Variants in CYP2J2 observed in about 807,000 individuals in gnomAD.
CYP2J2 encodes cytochrome P450 family 2 subfamily J member 2, also known as cytochrome P450 2J2.
Under a neutral mutation model 48.8 loss-of-function variants are expected in CYP2J2, and 41 were observed. That is an observed-to-expected ratio of 0.84 (90% CI 0.66 to 1.09). CYP2J2 has a LOEUF of 1.09. Among genes scored for constraint, CYP2J2 ranks in the 50% least tolerant of loss-of-function variants. The pLI is 0.00. For missense variants in CYP2J2, 644 were observed against 617.3 expected (o/e 1.04, Z -0.46); for synonymous variants, 221 against 227.1 (o/e 0.97, Z 0.24).
intron 1 of CYP2J2, among the ~76,000 whole-genome samples, chr1:59,925,357 C>G (rs1283186393): frequency 6.6e-6 from 1 of 152,034 alleles, no homozygotes; most frequent in Non-Finnish European, 1.5e-5. Flanking sequence ...ATTATTCCAC[C>G]CAACAATAGT....
At chr1:59,968,456 C>T in the CYP2J2 span, among the ~76,000 whole-genome samples, 1 of 151,640 alleles carries the variant, frequency 6.6e-6, no homozygotes, top group Non-Finnish European at 1.5e-5. Flanking sequence ...TGTCAGGACG[C>T]TTGGAGGGCC....
At chr1:59,921,059 C>A (rs1042333940) in intron 1 of CYP2J2, among the ~76,000 whole-genome samples, 20 of 152,194 alleles carry the variant, frequency 1.3e-4, no homozygotes, top group African/African-American at 4.8e-4. Context: ...TTCAGTGATC[C>A]AATCTCCTTA....
intron 6 of CYP2J2, among the ~76,000 whole-genome samples, chr1:59,905,526 G>A (rs1280661280): frequency 1.1e-4 from 17 of 151,918 alleles, no homozygotes; most frequent in Non-Finnish European, 1.5e-5. Flanking sequence ...GGCTGGGGTG[G>A]GCCCAAGTAT....
the CYP2J2 span, among the ~76,000 whole-genome samples, chr1:59,938,003 C>T: frequency 1.3e-5 from 2 of 152,216 alleles, no homozygotes; most frequent in South Asian, 2.1e-4. Flanking sequence ...CTTTGAGTTT[C>T]CTCAAAATAA....
intron 7 of CYP2J2, 34 bp downstream of exon 7, chr1:59,904,837 C>G (rs764365660): frequency 2.3e-5 from 37 of 1,581,702 alleles, no homozygotes; most frequent in Middle Eastern, 3.6e-4. Flanking sequence ...TTTCTACCCC[C>G]CTAAAAGATG....
the CYP2J2 span, among the ~76,000 whole-genome samples, chr1:59,947,882 A>C: frequency 6.6e-6 from 1 of 151,822 alleles, no homozygotes; most frequent in African/African-American, 2.4e-5. Flanking sequence ...TACTGGAAGA[A>C]GTATCCATAA....
chr1:59,918,276 G>A (rs973987869), intron 1 of CYP2J2, among the ~76,000 whole-genome samples: 6 of 152,118 alleles, frequency 3.9e-5, no homozygotes, highest in Middle Eastern at 3.2e-3. Context: ...ATTAAATAAG[G>A]ATGTTTTTGG....
chr1:59,965,464 TAA>T, the CYP2J2 span, among the ~76,000 whole-genome samples: 1 of 152,160 alleles, frequency 6.6e-6, no homozygotes, highest in Non-Finnish European at 1.5e-5. Flanking sequence ...ACACAGAGCA[TAA>T]GAGATACAGT....
At chr1:59,926,842 C>G, upstream of CYP2J2, 1 of 1,162,334 alleles carries the variant, frequency 8.6e-7, no homozygotes, top group Non-Finnish European at 1.2e-6. Flanking sequence ...CGTGCCCCGC[C>G]TCCCAGCCCG....
At chr1:59,921,529 A>G (rs1644515295) in intron 1 of CYP2J2, among the ~76,000 whole-genome samples, 1 of 152,038 alleles carries the variant, frequency 6.6e-6, no homozygotes, top group South Asian at 2.1e-4. Flanking sequence ...AAATGGACCC[A>G]TGAGGGGCAC....
Position 59,893,554 on chromosome 1 carries a change from C to G in CYP2J2, c.*97G>C, listed in dbSNP as rs573871015. ...TTCCTCTGATCTTTCTTGAAAGTCACTTTCATTTTGTCCCAACACATCTGA... is the reference window on the plus strand; with the variant it reads ...TTCCTCTGATCTTTCTTGAAAGTCAGTTTCATTTTGTCCCAACACATCTGA... On this transcript the variant is annotated 3_prime_UTR_variant, in exon 9 of 9. Coordinates refer to ENST00000371204, the MANE Select transcript of CYP2J2 (RefSeq NM_000775.4). The G allele has an allele frequency of 8.8e-6, 8 of 913,382 alleles. No individual in the cohort carries two copies. In the African/African-American group the frequency reaches 1.2e-4, roughly 13 times the overall value. The allele number at this position is 913,382 out of a possible 1,614,324, so 56.6% of individuals were successfully genotyped here. A position where few individuals can be genotyped will look rare whatever the true frequency, so the allele number is the denominator to read the frequency against.
At chr1:59,930,272 C>T (rs1346166619), upstream of CYP2J2, among the ~76,000 whole-genome samples, 1 of 152,140 alleles carries the variant, frequency 6.6e-6, no homozygotes, top group Non-Finnish European at 1.5e-5. Context: ...TTCCCAGAGA[C>T]AGAGTTGCTG....
At chr1:59,919,508 C>T (rs1644494875) in intron 1 of CYP2J2, among the ~76,000 whole-genome samples, 1 of 152,088 alleles carries the variant, frequency 6.6e-6, no homozygotes, top group Non-Finnish European at 1.5e-5. Context: ...TCTCCTTAAA[C>T]TGTATTTTAA....
chr1:59,950,986 T>C, the CYP2J2 span, among the ~76,000 whole-genome samples: 2 of 152,298 alleles, frequency 1.3e-5, no homozygotes, highest in South Asian at 2.1e-4. Context: ...CAGATTCTAT[T>C]CCTCAAAGCA....
intron 2 of CYP2J2, among the ~76,000 whole-genome samples, chr1:59,915,195 C>T (rs1644453749): frequency 6.6e-6 from 1 of 152,144 alleles, no homozygotes; most frequent in Admixed American, 6.5e-5. Context: ...TTAATAAATA[C>T]TGAGGGAAGT....
At chr1:59,965,419 C>T in the CYP2J2 span, among the ~76,000 whole-genome samples, 1 of 152,210 alleles carries the variant, frequency 6.6e-6, no homozygotes, top group South Asian at 2.1e-4. Context: ...CTCCACGACA[C>T]AAATACAAGA....
At chr1:59,947,747 C>T in the CYP2J2 span, among the ~76,000 whole-genome samples, 31 of 152,296 alleles carry the variant, frequency 2.0e-4, no homozygotes, top group South Asian at 6.4e-3. Context: ...TCTGGGCCAG[C>T]TTAACTTCCC....
intron 6 of CYP2J2, among the ~76,000 whole-genome samples, chr1:59,905,988 C>T (rs1173436361): frequency 6.6e-6 from 1 of 152,118 alleles, no homozygotes; most frequent in African/African-American, 2.4e-5. Flanking sequence ...AGATCGAGAC[C>T]ATCCTGGCTA....
chr1:59,948,963 A>G, the CYP2J2 span, among the ~76,000 whole-genome samples: 1 of 152,140 alleles, frequency 6.6e-6, no homozygotes, highest in Non-Finnish European at 1.5e-5. Context: ...CCTAGCAGTT[A>G]GAGGCTGTAG....
Sources: allele counts gnomAD v4.1 joint callset (sites outside exome capture counted in the v4.1 genomes callset), GRCh38; gene constraint gnomAD v4.1.1; transcripts MANE v1.5; gene names NCBI Gene and HGNC (gene_info 2026-07-23, HGNC 2026-07-21).